The following LOXHD1 variants were observed in gnomAD, a reference collection of about 807,000 sequenced individuals.
The protein encoded by LOXHD1 is lipoxygenase homology PLAT domains 1.
A neutral mutation model predicts 248.2 loss-of-function variants in LOXHD1; 205 were observed. That is an observed-to-expected ratio of 0.83 (90% CI 0.74 to 0.93). The LOEUF (loss-of-function observed/expected upper bound fraction) is 0.93, where lower values mean the gene tolerates loss of function less well. Among genes scored for constraint, LOXHD1 ranks in the 40% least tolerant of loss-of-function variants. The probability of loss-of-function intolerance (pLI) is 0.00; values close to 1 mark genes in which losing one functional copy is unlikely to be tolerated. For missense variants in LOXHD1, 2,930 were observed against 2,971.6 expected, an observed-to-expected ratio of 0.99 and a Z score of 0.33; for synonymous variants, 1,113 against 1,162.8, an observed-to-expected ratio of 0.96 and a Z score of 0.87.
intron 16 of LOXHD1, among the ~76,000 whole-genome samples, chr18:46,568,325 A>T (rs1478374538): frequency 6.6e-6 from 1 of 152,234 alleles, no homozygotes; most frequent in Non-Finnish European, 1.5e-5. Flanking sequence ...TCCAAGATTT[A>T]GAACTGTGTT....
chr18:46,593,218 A>T (rs2038204651), intron 10 of LOXHD1, among the ~76,000 whole-genome samples: 1 of 152,208 alleles, frequency 6.6e-6, no homozygotes, highest in Non-Finnish European at 1.5e-5. Flanking sequence ...TCTAAAATTC[A>T]TACTTTTGAT....
At chr18:46,542,991 C>T in intron 23 of LOXHD1, 136 bp from the exon 24 acceptor site, 3 of 1,218,344 alleles carry the variant, frequency 2.5e-6, no homozygotes, top group Non-Finnish European at 3.4e-6. Flanking sequence ...CAATTATCAT[C>T]CATTGGCCAC....
intron 14 of LOXHD1, 89 bp downstream of exon 14, chr18:46,577,618 G>T: frequency 7.0e-7 from 1 of 1,431,020 alleles, no homozygotes. Flanking sequence ...TGTTTTGCTT[G>T]CTGGTCATGG....
rs71162809 is a variant in LOXHD1 at position 46,573,022 on chromosome 18, CAAAAAAAA to C, written c.1971-868_1971-861del. ...TGGGCGACAGGGTGAGACTCCGTCT[CAAAAAAAA>C]AAAAAAAAAAAAAAAAGACAGGATA... On this transcript the variant is annotated intron_variant, in intron 14 of 40. Transcript: ENST00000642948. Among the ~76,000 whole-genome samples, 40 of 57,396 alleles carry C rather than the reference CAAAAAAAA, an allele frequency of 7.0e-4. No homozygotes were observed. The East Asian group carries it at 0.021, about 30-fold the overall frequency. The allele number at this position is 57,396 out of a possible 152,430, so 37.7% of individuals were successfully genotyped here.
chr18:46,632,767 A>G (rs1210693671), intron 4 of LOXHD1, among the ~76,000 whole-genome samples: 1 of 152,210 alleles, frequency 6.6e-6, no homozygotes, highest in Non-Finnish European at 1.5e-5. Context: ...CACAGGCCCC[A>G]GAAGGTGCCA....
chr18:46,549,295 C>T (rs10853543), intron 21 of LOXHD1, among the ~76,000 whole-genome samples: 99,555 of 152,030 alleles, frequency 0.65, 33,056 homozygotes, highest in Non-Finnish European at 0.73. Context: ...AACTGAGCAT[C>T]GAACCAAAAG....
At chr18:46,606,146 AAGTT>A (rs2038409909) in intron 6 of LOXHD1, among the ~76,000 whole-genome samples, 1 of 152,206 alleles carries the variant, frequency 6.6e-6, no homozygotes, top group African/African-American at 2.4e-5. Flanking sequence ...AAAAATAACT[AAGTT>A]AAGTAAGAAA....
In LOXHD1 at chr18:46,479,721, T is replaced by A. The variant is rs1473720397; in HGVS notation, c.6342-1769A>T. Among the ~76,000 whole-genome samples, 4 of 147,580 alleles carry A rather than the reference T, an allele frequency of 2.7e-5. No homozygotes were observed. The Admixed American group carries it at 2.7e-4, about 10-fold the overall frequency. On this transcript the variant is annotated intron_variant, in intron 40 of 40. Transcript: ENST00000642948. ...TGCAACACTGAAAAGGTGTGCCCAA[T>A]GGTGCAAAATCAAACCCTATTTTAG...
At chr18:46,649,322 CTG>C in intron 1 of LOXHD1, 53 bp from the exon 2 acceptor site, 1 of 1,437,356 alleles carries the variant, frequency 7.0e-7, no homozygotes, top group Middle Eastern at 1.9e-4. Flanking sequence ...AACCGGAATC[CTG>C]TGTGGGCCTG....
At chr18:46,554,019 C>G (rs1429532256) in intron 21 of LOXHD1, among the ~76,000 whole-genome samples, 1 of 152,170 alleles carries the variant, frequency 6.6e-6, no homozygotes, top group Non-Finnish European at 1.5e-5. Flanking sequence ...AGCTGACCAC[C>G]AAACATGCTT....
At chr18:46,535,375 G>A (rs550744) in intron 26 of LOXHD1, among the ~76,000 whole-genome samples, 6 of 151,948 alleles carry the variant, frequency 3.9e-5, no homozygotes, top group Non-Finnish European at 7.4e-5. Context: ...TAACCACGAT[G>A]GTGTGCATGA....
At chr18:46,618,042 T>C in intron 5 of LOXHD1, 150 bp downstream of exon 5, 2 of 599,924 alleles carry the variant, frequency 3.3e-6, no homozygotes, top group Non-Finnish European at 5.9e-6. Flanking sequence ...CCAGGACAGG[T>C]CACTCCAAAC....
rs1413327775 is a variant in LOXHD1, at chr18:46,558,101, A to T, written c.3217-612T>A. On this transcript the variant is annotated intron_variant, in intron 20 of 40. Transcript: ENST00000642948. ...CTTGGATATAACTTTTTTGACTCTT[A>T]ATTTTGAAAAAGATTTTAAATCTAC... is the stretch of plus-strand genomic sequence containing the variant. 4 of 981,036 alleles carry T rather than the reference A, an allele frequency of 4.1e-6. No individual in the cohort carries two copies. The African/African-American group carries it at 7.0e-5, about 17-fold the overall frequency. The allele number at this position is 981,036 out of a possible 1,614,324, so 60.8% of individuals were successfully genotyped here.
At chr18:46,510,286 G>A (rs2034879239) in intron 34 of LOXHD1, among the ~76,000 whole-genome samples, 1 of 152,240 alleles carries the variant, frequency 6.6e-6, no homozygotes, top group Admixed American at 6.5e-5. Context: ...GGCAGGCTGT[G>A]CACTGCACAA....
chr18:46,597,612 C>T (rs1300919407), intron 8 of LOXHD1, among the ~76,000 whole-genome samples: 2 of 151,396 alleles, frequency 1.3e-5, no homozygotes, highest in Non-Finnish European at 2.9e-5. Context: ...GAGACTGCAA[C>T]CAAACATTTG....
At chr18:46,589,779 A>G (rs979270563) in intron 12 of LOXHD1, among the ~76,000 whole-genome samples, 5 of 152,146 alleles carry the variant, frequency 3.3e-5, no homozygotes, top group African/African-American at 1.2e-4. Flanking sequence ...ATGTATTTGT[A>G]GACAGGGCCT....
At chr18:46,641,557 G>T (rs2144380859) in intron 3 of LOXHD1, among the ~76,000 whole-genome samples, 1 of 152,228 alleles carries the variant, frequency 6.6e-6, no homozygotes, top group East Asian at 1.9e-4. Context: ...GAGTCCTAGG[G>T]TTATCACCGA....
intron 28 of LOXHD1, among the ~76,000 whole-genome samples, chr18:46,531,429 C>T (rs1378708029): frequency 6.6e-6 from 1 of 152,136 alleles, no homozygotes; most frequent in Non-Finnish European, 1.5e-5. Context: ...CCCCCTCATC[C>T]ATTTTCTAGC....
chr18:46,657,097 A>C lies in LOXHD1; in HGVS notation c.-64T>G. ...GTGCCGCCTCCTCACACCTGCGGGA[A>C]CCTGAGACCTCCTCCCTGAGCTCTG... is the stretch of plus-strand genomic sequence containing the variant. On this transcript the variant is annotated 5_prime_UTR_variant, in exon 1 of 41. Coordinates refer to ENST00000642948, the MANE Select transcript of LOXHD1 (RefSeq NM_001384474.1). 6.5e-7 allele frequency: 1 copy of C among 1,549,944 alleles called. No individual in the cohort carries two copies. The highest frequency in any genetic ancestry group is 8.7e-7 in the Non-Finnish European group (1 of 1,146,192).
Sources: allele counts gnomAD v4.1 joint callset (sites outside exome capture counted in the v4.1 genomes callset), GRCh38; gene constraint gnomAD v4.1.1; transcripts MANE v1.5; gene names NCBI Gene and HGNC (gene_info 2026-07-23, HGNC 2026-07-21).